LMX1A: variants seen among roughly 807,000 people sequenced by gnomAD.
The protein encoded by LMX1A is LIM homeobox transcription factor 1-alpha.
LMX1A carries 15 observed loss-of-function variants against 49.1 expected under a neutral mutation model. The ratio of observed to expected loss-of-function variants is 0.31; its 90% confidence interval spans 0.20 to 0.47. The LOEUF (loss-of-function observed/expected upper bound fraction) is 0.47. LMX1A is among the 20% of genes least tolerant of loss of function. The probability of loss-of-function intolerance (pLI) is 1.00; values close to 1 mark genes in which losing one functional copy is unlikely to be tolerated. For synonymous variants in LMX1A, 167 were observed against 185.7 expected (o/e 0.90, Z 0.82); for missense variants, 372 against 475.8 (o/e 0.78, Z 2.03).
At chr1:165,245,165 T>C (rs1178532183) in intron 4 of LMX1A, among the ~76,000 whole-genome samples, 2 of 152,086 alleles carry the variant, frequency 1.3e-5, no homozygotes, top group African/African-American at 4.8e-5. Flanking sequence ...TGCATGATGC[T>C]GAGGTATGGG....
At chr1:165,233,529 C>T (rs1348416499) in intron 4 of LMX1A, among the ~76,000 whole-genome samples, 1 of 152,160 alleles carries the variant, frequency 6.6e-6, no homozygotes, top group Non-Finnish European at 1.5e-5. Flanking sequence ...ATCTGACCTC[C>T]CCCTTAAATC....
At chr1:165,283,931 G>A (rs1571200891) in intron 3 of LMX1A, among the ~76,000 whole-genome samples, 1 of 152,308 alleles carries the variant, frequency 6.6e-6, no homozygotes, top group South Asian at 2.1e-4. Flanking sequence ...CTGGGAGGCA[G>A]AAGAAAGAAA....
intron 3 of LMX1A, among the ~76,000 whole-genome samples, chr1:165,345,847 T>C (rs781176672): frequency 6.6e-6 from 1 of 152,164 alleles, no homozygotes; most frequent in African/African-American, 2.4e-5. Flanking sequence ...CGGAGCAACA[T>C]AGCAAGACTC....
chr1:165,242,151 C>T (rs1652676979), intron 4 of LMX1A, among the ~76,000 whole-genome samples: 2 of 152,226 alleles, frequency 1.3e-5, no homozygotes, highest in South Asian at 4.1e-4. Context: ...GTGCCTATTG[C>T]ATGCCAGGCA....
chr1:165,277,981 T>C (rs907365936), intron 3 of LMX1A, among the ~76,000 whole-genome samples: 2 of 152,262 alleles, frequency 1.3e-5, no homozygotes, highest in African/African-American at 4.8e-5. Flanking sequence ...CAGCTAATAC[T>C]GTGTGCTAGT....
chr1:165,288,938 C>A (rs532197294), intron 3 of LMX1A, among the ~76,000 whole-genome samples: 1 of 152,298 alleles, frequency 6.6e-6, no homozygotes, highest in East Asian at 1.9e-4. Flanking sequence ...AGATTTAACT[C>A]CATAAAAATC....
chr1:165,311,869 C>T (rs1030592217), intron 3 of LMX1A, among the ~76,000 whole-genome samples: 3 of 152,194 alleles, frequency 2.0e-5, no homozygotes, highest in Admixed American at 6.5e-5. Context: ...GTGCCGTTCA[C>T]GATGGCTGAG....
chr1:165,205,717 T>C (rs1651045438), intron 8 of LMX1A, 147 bp downstream of exon 8: 3 of 689,706 alleles, frequency 4.3e-6, no homozygotes, highest in Non-Finnish European at 7.5e-6. Flanking sequence ...TAGTCATTGG[T>C]TAGGCGATTC....
rs745847983 is a variant in LMX1A at position 165,355,066 on chromosome 1, G to A, written c.76+418C>T. On this transcript the variant is annotated intron_variant, in intron 2 of 8. Transcript: ENST00000342310. This position sits in a 1 kb window ranked among gnomAD's most constrained non-coding sequence, Gnocchi z 4.7. ...GGCTGAAATTGGGGCTGGAGTTGGT[G>A]GGGGAGAGAAGCCTCCTCGAACTTG... Among the ~76,000 whole-genome samples the A allele has an allele frequency of 1.3e-5, 2 of 152,188 alleles. No homozygotes were observed. Among genetic ancestry groups the A allele is most frequent in the Non-Finnish European group, 2.9e-5 (2 of 68,042 alleles).
Position 165,313,012 on chromosome 1 carries a change from GA to G in LMX1A, c.263+40063del, listed in dbSNP as rs901380627. Reference sequence around the variant, plus strand: ...ACACAAAGAGACTGAATATCAGAGGGAAAAAAAAGTCCCCTGAAGAAGTGGC... The same window carrying G: ...ACACAAAGAGACTGAATATCAGAGGGAAAAAAAGTCCCCTGAAGAAGTGGC... On this transcript the variant is annotated intron_variant, in intron 3 of 8. Coordinates refer to ENST00000342310, the MANE Select transcript of LMX1A (RefSeq NM_177398.4). 4.0e-5 allele frequency among the ~76,000 whole-genome samples: 6 copies of G among 151,826 alleles called. No individual in the cohort carries two copies. The East Asian group carries it at 5.8e-4, about 15-fold the overall frequency.
At chr1:165,210,950 A>G (rs1651359108) in intron 5 of LMX1A, 174 bp from the exon 6 acceptor site, 1 of 437,958 alleles carries the variant, frequency 2.3e-6, no homozygotes, top group Non-Finnish European at 4.0e-6. Context: ...TTCAGGTAGA[A>G]AGAAAGTCCT....
chr1:165,343,212 T>C (rs1206491902), intron 3 of LMX1A, among the ~76,000 whole-genome samples: 1 of 152,126 alleles, frequency 6.6e-6, no homozygotes, highest in Non-Finnish European at 1.5e-5. Flanking sequence ...ATCCCTGTTT[T>C]AGAGAGAAGA....
intron 8 of LMX1A, among the ~76,000 whole-genome samples, chr1:165,205,397 G>A (rs1448800034): frequency 6.6e-6 from 1 of 152,216 alleles, no homozygotes; most frequent in Non-Finnish European, 1.5e-5. Context: ...CACTTTACAA[G>A]TCAGTTTATG....
At chr1:165,231,898 T>C (rs1652253183) in intron 4 of LMX1A, among the ~76,000 whole-genome samples, 1 of 152,050 alleles carries the variant, frequency 6.6e-6, no homozygotes, top group Non-Finnish European at 1.5e-5. Flanking sequence ...CTGCGATTCC[T>C]GGGAATTCGC....
chr1:165,340,609 C>T (rs1656044404), intron 3 of LMX1A, among the ~76,000 whole-genome samples: 2 of 152,302 alleles, frequency 1.3e-5, no homozygotes, highest in South Asian at 2.1e-4. Flanking sequence ...GCATTCCCCT[C>T]TTCTGATATT....
rs530928156 is a variant in LMX1A at position 165,288,047 on chromosome 1, G to C, written c.264-38407C>G. 2.6e-5 allele frequency among the ~76,000 whole-genome samples: 4 copies of C among 152,254 alleles called. No homozygotes were observed. In the South Asian group the frequency reaches 8.3e-4, roughly 32 times the overall value. ...TGTGTTAAACAAATCCAGATGAGGG[G>C]GTTTAAATCACCTCCAGGTCACTAG... On this transcript the variant is annotated intron_variant, in intron 3 of 8. Coordinates refer to ENST00000342310, the MANE Select transcript of LMX1A (RefSeq NM_177398.4).
Position 165,293,062 on chromosome 1 carries a change from A to C in LMX1A, c.264-43422T>G, listed in dbSNP as rs147194836. Among the ~76,000 whole-genome samples the C allele has an allele frequency of 1.6e-3, 244 of 152,016 alleles. 2 individuals are homozygous for C. Among genetic ancestry groups the C allele is most frequent in the African/African-American group, 5.4e-3 (223 of 41,472 alleles). ...AACCCGGGAGGTGGAGGTTGCAGTGAGCCGAGATTGCACCATTGTACTCTA... is the reference window on the plus strand; with the variant it reads ...AACCCGGGAGGTGGAGGTTGCAGTGCGCCGAGATTGCACCATTGTACTCTA... On this transcript the variant is annotated intron_variant, in intron 3 of 8. Coordinates refer to ENST00000342310, the MANE Select transcript of LMX1A (RefSeq NM_177398.4).
At position 165,266,595 on chromosome 1, in the gene LMX1A, C is replaced by CTTTTTTTTTT. The variant is rs61551654; in HGVS notation, c.264-16965_264-16956dup. Among the ~76,000 whole-genome samples the CTTTTTTTTTT allele has an allele frequency of 2.7e-3, 217 of 79,166 alleles. 4 individuals carry two copies. The highest frequency in any genetic ancestry group is 3.6e-3 in the Non-Finnish European group (163 of 45,388). The allele number at this position is 79,166 out of a possible 152,430, so 51.9% of individuals were successfully genotyped here. A position where few individuals can be genotyped will look rare whatever the true frequency, so the allele number is the denominator to read the frequency against. ...CTAATTTTCTTTCTCTTCTTTCTTTCTTTTTTTTTTTTTTTTTTTTTTTTG... is the reference window on the plus strand; with the variant it reads ...CTAATTTTCTTTCTCTTCTTTCTTTCTTTTTTTTTTTTTTTTTTTTTTTTTTTTTTTTTTG... On this transcript the variant is annotated intron_variant, in intron 3 of 8. Coordinates refer to ENST00000342310, the MANE Select transcript of LMX1A (RefSeq NM_177398.4).
At chr1:165,286,089 G>A (rs1654297924) in intron 3 of LMX1A, among the ~76,000 whole-genome samples, 1 of 152,070 alleles carries the variant, frequency 6.6e-6, no homozygotes, top group South Asian at 2.1e-4. Flanking sequence ...AGAGTCCAGG[G>A]GCCTGGGTTG....
Sources: allele counts gnomAD v4.1 joint callset (sites outside exome capture counted in the v4.1 genomes callset), GRCh38; gene constraint gnomAD v4.1.1; non-coding constraint Gnocchi (gnomAD v3.1); transcripts MANE v1.5; gene names NCBI Gene and HGNC (gene_info 2026-07-23, HGNC 2026-07-21).